CUX1: variants seen among roughly 807,000 people sequenced by gnomAD.
CUX1 encodes the protein cut like homeobox 1.
CUX1 carries 31 observed loss-of-function variants against 158.8 expected under a neutral mutation model. That is an observed-to-expected ratio of 0.20 (90% CI 0.15 to 0.26). The LOEUF is 0.26. CUX1 is among the 10% of genes least tolerant of loss of function. CUX1 has a pLI of 1.00. For synonymous variants in CUX1, 879 were observed against 862.1 expected (o/e 1.02, Z -0.34); for missense variants, 1,589 against 2,014.6 (o/e 0.79, Z 4.04).
chr7:101,919,450 C>T (rs927389709), intron 2 of CUX1, among the ~76,000 whole-genome samples: 5 of 152,040 alleles, frequency 3.3e-5, no homozygotes, highest in African/African-American at 9.7e-5. Context: ...TTAGAGCTTT[C>T]GCCCGTTGGG....
chr7:102,246,233 C>A (rs1257716583), intron 23 of CUX1, among the ~76,000 whole-genome samples: 1 of 152,090 alleles, frequency 6.6e-6, no homozygotes, highest in Non-Finnish European at 1.5e-5. Context: ...GTCTCACTGC[C>A]AAGGAACTTG....
intron 2 of CUX1, among the ~76,000 whole-genome samples, chr7:101,980,603 G>T (rs1250027714): frequency 6.6e-6 from 1 of 152,244 alleles, no homozygotes; most frequent in Non-Finnish European, 1.5e-5. Flanking sequence ...GTAGGTGGCA[G>T]ATTGGTTCTC....
At chr7:102,095,440 G>T (rs1412863502) in intron 4 of CUX1, among the ~76,000 whole-genome samples, 4 of 152,184 alleles carry the variant, frequency 2.6e-5, no homozygotes, top group Admixed American at 2.6e-4. Context: ...GTGCCCAGCA[G>T]CCAGGGATTC....
chr7:101,982,436 T>C (rs1813558498), intron 2 of CUX1, among the ~76,000 whole-genome samples: 1 of 152,100 alleles, frequency 6.6e-6, no homozygotes, highest in African/African-American at 2.4e-5. Context: ...CTTTTTTTCT[T>C]TTTTGTTTGA....
chr7:101,826,446 C>T (rs911383631), intron 1 of CUX1, among the ~76,000 whole-genome samples: 2 of 152,070 alleles, frequency 1.3e-5, no homozygotes, highest in Admixed American at 1.3e-4. Context: ...CAGTAATCCT[C>T]CCTCCTTGGT....
At chr7:101,989,591 TG>T (rs1814834643) in intron 2 of CUX1, among the ~76,000 whole-genome samples, 1 of 152,180 alleles carries the variant, frequency 6.6e-6, no homozygotes, top group Non-Finnish European at 1.5e-5. Context: ...GAAGACACCA[TG>T]GAGGTGGAGA....
chr7:101,853,588 T>G (rs1035751462), intron 1 of CUX1, among the ~76,000 whole-genome samples: 1 of 130,940 alleles, frequency 7.6e-6, no homozygotes, highest in African/African-American at 3.2e-5. Flanking sequence ...AGAAAGGGTG[T>G]GTGTGTGTGT....
chr7:102,168,851 A>G (rs1289882569), intron 9 of CUX1, among the ~76,000 whole-genome samples: 4 of 151,690 alleles, frequency 2.6e-5, no homozygotes, highest in African/African-American at 9.7e-5. Context: ...GCCACAAAAT[A>G]AAACACACGA....
At chr7:102,028,168 T>A in intron 3 of CUX1, 23 bp downstream of exon 3, 1 of 1,613,048 alleles carries the variant, frequency 6.2e-7, no homozygotes, top group Non-Finnish European at 8.5e-7. Context: ...ATTCATTTTC[T>A]ATCCTGAGCC....
At chr7:101,848,479 A>G (rs1795938110) in intron 1 of CUX1, among the ~76,000 whole-genome samples, 1 of 152,160 alleles carries the variant, frequency 6.6e-6, no homozygotes, top group Non-Finnish European at 1.5e-5. Flanking sequence ...AAGTCCTTTC[A>G]GATCCAGATG....
intron 23 of CUX1, among the ~76,000 whole-genome samples, chr7:102,246,816 C>T (rs1282858218): frequency 2.0e-5 from 3 of 152,174 alleles, no homozygotes; most frequent in Admixed American, 6.5e-5. Context: ...GCCATCTGCC[C>T]GCCTCAGCCT....
chr7:102,050,550 A>G (rs1823371779), intron 3 of CUX1, among the ~76,000 whole-genome samples: 1 of 152,100 alleles, frequency 6.6e-6, no homozygotes, highest in South Asian at 2.1e-4. Context: ...TACCTCGCTA[A>G]CTAATAATCT....
chr7:102,005,016 G>A (rs910636559), intron 2 of CUX1, among the ~76,000 whole-genome samples: 8 of 152,216 alleles, frequency 5.3e-5, no homozygotes, highest in Non-Finnish European at 8.8e-5. Context: ...CCGGCTTGCC[G>A]CAGCTTGCTG....
intron 12 of CUX1, 83 bp from the exon 13 acceptor site, chr7:102,193,759 G>A (rs530542138): frequency 3.2e-5 from 45 of 1,405,992 alleles, no homozygotes; most frequent in East Asian, 1.5e-4. Context: ...CCAATATCGC[G>A]CCACTGCACT....
At chr7:101,893,749 G>A (rs1263147227) in intron 1 of CUX1, among the ~76,000 whole-genome samples, 1 of 152,162 alleles carries the variant, frequency 6.6e-6, no homozygotes, top group Non-Finnish European at 1.5e-5. Flanking sequence ...AAGATTGTCA[G>A]CACTATGTAA....
chr7:102,011,493 C>T (rs1442138687), intron 2 of CUX1, among the ~76,000 whole-genome samples: 1 of 152,018 alleles, frequency 6.6e-6, no homozygotes, highest in African/African-American at 2.4e-5. Context: ...AGTGATTCTC[C>T]TGCCTCAGCC....
At chr7:101,965,291 T>C (rs1811035426) in intron 2 of CUX1, among the ~76,000 whole-genome samples, 1 of 152,196 alleles carries the variant, frequency 6.6e-6, no homozygotes, top group Non-Finnish European at 1.5e-5. Context: ...GGGGGCTTCC[T>C]TCCTTTGTTC....
chr7:101,831,553 A>T (rs1006648691), intron 1 of CUX1, among the ~76,000 whole-genome samples: 3 of 151,968 alleles, frequency 2.0e-5, no homozygotes, highest in Admixed American at 6.6e-5. Flanking sequence ...CAGCCTCCCA[A>T]AGTGCTGGGA....
chr7:101,972,484 A>G (rs1812083609), intron 2 of CUX1, among the ~76,000 whole-genome samples: 4 of 152,172 alleles, frequency 2.6e-5, no homozygotes, highest in African/African-American at 2.4e-5. Context: ...TGGAGAGAGA[A>G]GCGTGTCATG....
Sources: allele counts gnomAD v4.1 joint callset (sites outside exome capture counted in the v4.1 genomes callset), GRCh38; gene constraint gnomAD v4.1.1; transcripts MANE v1.5; gene names NCBI Gene and HGNC (gene_info 2026-07-23, HGNC 2026-07-21).